DCLK1: variants seen among roughly 807,000 people sequenced by gnomAD.
DCLK1 encodes the protein doublecortin like kinase 1.
In DCLK1, 16 loss-of-function variants were observed where a neutral mutation model predicts 86.2. That is an observed-to-expected ratio of 0.19 (90% CI 0.13 to 0.28). The LOEUF (loss-of-function observed/expected upper bound fraction) is 0.28, where lower values mean the gene tolerates loss of function less well. Ranked by LOEUF, DCLK1 falls within the 10% of genes least tolerant of loss-of-function variation. The pLI is 1.00. For synonymous variants in DCLK1, 369 were observed against 370.5 expected (o/e 1.00, Z 0.05); for missense variants, 590 against 940.2 (o/e 0.63, Z 4.87).
intron 2 of DCLK1, among the ~76,000 whole-genome samples, chr13:36,116,568 G>C (rs1022258967): frequency 3.3e-5 from 5 of 152,048 alleles, no homozygotes; most frequent in Admixed American, 6.5e-5. Flanking sequence ...GTAAATTCCA[G>C]TTCTGATACT....
intron 15 of DCLK1, among the ~76,000 whole-genome samples, chr13:35,802,572 C>A (rs1291816181): frequency 6.6e-6 from 1 of 151,890 alleles, no homozygotes; most frequent in East Asian, 1.9e-4. Context: ...AAAAACAATT[C>A]CTAAAAGATC....
intron 3 of DCLK1, among the ~76,000 whole-genome samples, chr13:35,991,049 C>T (rs890293747): frequency 6.6e-6 from 1 of 152,110 alleles, no homozygotes. Context: ...AAATATGGCA[C>T]CTTGTCATTT....
intron 2 of DCLK1, among the ~76,000 whole-genome samples, chr13:36,115,024 A>G (rs1284716902): frequency 6.6e-6 from 1 of 152,090 alleles, no homozygotes; most frequent in Non-Finnish European, 1.5e-5. Flanking sequence ...GACAGGGCCA[A>G]TCATGGTGGC....
intron 4 of DCLK1, among the ~76,000 whole-genome samples, chr13:35,917,390 T>C (rs545432740): frequency 1.3e-5 from 2 of 152,300 alleles, no homozygotes; most frequent in South Asian, 4.1e-4. Flanking sequence ...TTGTTTGCTA[T>C]TGTCGGGCCC....
At chr13:35,806,136 G>C (rs1314396923) in intron 14 of DCLK1, among the ~76,000 whole-genome samples, 2 of 151,816 alleles carry the variant, frequency 1.3e-5, no homozygotes, top group Non-Finnish European at 2.9e-5. Flanking sequence ...TAATATAGAA[G>C]TCACATTTAA....
intron 3 of DCLK1, among the ~76,000 whole-genome samples, chr13:35,984,794 T>C (rs1259908493): frequency 6.6e-6 from 1 of 152,188 alleles, no homozygotes; most frequent in East Asian, 1.9e-4. Flanking sequence ...CCCAGGCTTC[T>C]GTACCAGCGA....
chr13:36,125,166 A>G (rs1249943208), intron 2 of DCLK1, among the ~76,000 whole-genome samples: 1 of 152,212 alleles, frequency 6.6e-6, no homozygotes, highest in African/African-American at 2.4e-5. Flanking sequence ...ATCCTCAAAA[A>G]TCAGAGAAAG....
chr13:35,826,552 A>AAGGAAGGAGGGAGGGAGGG (rs1868474558), intron 10 of DCLK1, among the ~76,000 whole-genome samples: 1 of 101,594 alleles, frequency 9.8e-6, no homozygotes, highest in Admixed American at 1.1e-4. Context: ...AGAAAGAAAG[A>AAGGAAGGAGGGAGGGAGGG]AAGAAAGAAA....
chr13:35,803,381 C>T (rs1377381026), intron 15 of DCLK1, among the ~76,000 whole-genome samples: 1 of 152,196 alleles, frequency 6.6e-6, no homozygotes, highest in African/African-American at 2.4e-5. Context: ...TGGATACTGG[C>T]TGTACAGCCC....
intron 11 of DCLK1, among the ~76,000 whole-genome samples, chr13:35,821,771 C>T (rs1193081163): frequency 6.6e-6 from 1 of 151,606 alleles, no homozygotes; most frequent in Non-Finnish European, 1.5e-5. Flanking sequence ...TCCCATATTT[C>T]CCAGTGAAGC....
intron 3 of DCLK1, 89 bp from the exon 4 acceptor site, chr13:35,947,546 C>T (rs907268744): frequency 4.9e-6 from 5 of 1,016,796 alleles, no homozygotes; most frequent in East Asian, 2.6e-5. Context: ...GCATAAAGCC[C>T]CTTCCCACCT....
intron 4 of DCLK1, among the ~76,000 whole-genome samples, chr13:35,914,377 A>ATATATATATG (rs1875279933): frequency 1.3e-4 from 15 of 111,664 alleles, no homozygotes; most frequent in African/African-American, 4.0e-4. Context: ...ATGTATATAT[A>ATATATATATG]TATATATATA....
intron 3 of DCLK1, among the ~76,000 whole-genome samples, chr13:35,965,396 C>T (rs993150491): frequency 1.4e-4 from 22 of 152,192 alleles, no homozygotes; most frequent in Admixed American, 1.0e-3. Flanking sequence ...TGAATTAACA[C>T]GAGCATCTGG....
intron 15 of DCLK1, 33 bp from the exon 16 acceptor site, chr13:35,793,512 G>T: frequency 6.6e-7 from 1 of 1,508,370 alleles, no homozygotes; most frequent in Non-Finnish European, 9.0e-7. Context: ...AAGAGAAAAA[G>T]AAAGAAAATG....
chr13:35,820,141 C>A (rs1438566174), intron 11 of DCLK1, among the ~76,000 whole-genome samples: 1 of 152,156 alleles, frequency 6.6e-6, no homozygotes, highest in Non-Finnish European at 1.5e-5. Context: ...TGACATCATC[C>A]TAGTTTTGTT....
At chr13:36,091,480 G>A (rs184696106) in intron 3 of DCLK1, among the ~76,000 whole-genome samples, 6 of 152,290 alleles carry the variant, frequency 3.9e-5, no homozygotes, top group Admixed American at 2.6e-4. Flanking sequence ...TACTTGGCAC[G>A]TAAGGGCTTG....
At chr13:35,794,135 A>G (rs1593595012) in intron 15 of DCLK1, among the ~76,000 whole-genome samples, 2 of 152,356 alleles carry the variant, frequency 1.3e-5, no homozygotes, top group Admixed American at 1.3e-4. Flanking sequence ...GAGGCTGGAC[A>G]CATGGTTCTC....
chr13:35,966,234 C>A lies in DCLK1; in HGVS notation c.724-18777G>T, dbSNP rs138058096. The stretch of plus-strand genomic sequence containing the variant: ...TGTGGAAAACAGCATGCTGATTTCT[C>A]ACAAAAAATTAAGTGTGGAATTCCC... On this transcript the variant is annotated intron_variant, in intron 3 of 16. Coordinates refer to ENST00000360631, the MANE Select transcript of DCLK1 (RefSeq NM_001330071.2). Among the ~76,000 whole-genome samples, 33 of 152,192 alleles carry A rather than the reference C, an allele frequency of 2.2e-4. No homozygotes were observed. The East Asian group carries it at 5.4e-3, about 25-fold the overall frequency.
chr13:36,013,540 G>A lies in DCLK1; in HGVS notation c.724-66083C>T, dbSNP rs1448705545. The stretch of plus-strand genomic sequence containing the variant: ...GGGGTGCCTCCCAGTTAGGCTGCTC[G>A]GGGGTCAGGGGTCAGGGACCCACTT... On this transcript the variant is annotated intron_variant, in intron 3 of 16. Coordinates refer to ENST00000360631, the MANE Select transcript of DCLK1 (RefSeq NM_001330071.2). Among the ~76,000 whole-genome samples, 5 of 152,028 alleles carry A rather than the reference G, an allele frequency of 3.3e-5. No homozygotes were observed. The East Asian group carries it at 5.8e-4, about 18-fold the overall frequency.
Sources: gnomAD v4.1 joint callset for allele counts (sites outside exome capture counted in the v4.1 genomes callset) on GRCh38, gnomAD v4.1.1 for gene constraint, MANE v1.5 for transcripts, NCBI Gene and HGNC (gene_info 2026-07-23, HGNC 2026-07-21) for gene names.